SEPTIN9: variants seen among roughly 807,000 people sequenced by gnomAD.
The protein encoded by SEPTIN9 is septin 9.
SEPTIN9 carries 13 observed loss-of-function variants against 56.6 expected under a neutral mutation model. The ratio of observed to expected loss-of-function variants is 0.23; its 90% CI spans 0.15 to 0.37. SEPTIN9 has a LOEUF of 0.37. SEPTIN9 is among the 10% of genes least tolerant of loss of function. The pLI is 1.00. For synonymous variants in SEPTIN9, 332 were observed against 334.1 expected (o/e 0.99, Z 0.07); for missense variants, 650 against 823.1 (o/e 0.79, Z 2.57).
chr17:77,283,656 G>A (rs1046129449), intron 1 of SEPTIN9, among the ~76,000 whole-genome samples: 8 of 152,206 alleles, frequency 5.3e-5, no homozygotes, highest in Admixed American at 3.3e-4. Flanking sequence ...TTCCAGACCT[G>A]TATGTGGGCT....
rs1355466857 is a variant in SEPTIN9 at position 77,318,812 on chromosome 17, A to G, written c.76+11615A>G. ...TCTGTCATCTAGCCGAGGGCTGTGC[A>G]TGGGCCTCACCTGGTCACAGGTAAC... On this transcript the variant is annotated intron_variant, in intron 2 of 11. Coordinates refer to ENST00000427177, the MANE Select transcript of SEPTIN9 (RefSeq NM_001113491.2). The surrounding 1 kb of genome is among the most constrained non-coding windows in gnomAD (Gnocchi z 4.9). 2.0e-5 allele frequency among the ~76,000 whole-genome samples: 3 copies of G among 152,124 alleles called. No individual in the cohort carries two copies. The highest frequency in any genetic ancestry group is 1.9e-4 in the East Asian group (1 of 5,192).
chr17:77,463,026 C>T (rs2038549256), intron 3 of SEPTIN9, among the ~76,000 whole-genome samples: 1 of 152,144 alleles, frequency 6.6e-6, no homozygotes, highest in Non-Finnish European at 1.5e-5. Context: ...ATGAGCTGAA[C>T]AGTGAGCCCG....
intron 3 of SEPTIN9, among the ~76,000 whole-genome samples, chr17:77,458,533 G>A (rs1169875114): frequency 6.6e-6 from 1 of 152,194 alleles, no homozygotes; most frequent in African/African-American, 2.4e-5. Context: ...TCCTCTCCTA[G>A]AGCTATGGTC....
In SEPTIN9 at chr17:77,402,773, A is replaced by G; in HGVS notation, c.721+70A>G. 6.8e-7 allele frequency: 1 copy of G among 1,460,254 alleles called. No individual in the cohort carries two copies. The highest frequency in any genetic ancestry group is 9.2e-7 in the Non-Finnish European group (1 of 1,091,928). The allele number at this position is 1,460,254 out of a possible 1,614,324, so 90.5% of individuals were successfully genotyped here. On this transcript the variant is annotated intron_variant, in intron 3 of 11. Transcript: ENST00000427177. This position sits in a 1 kb window ranked among gnomAD's most constrained non-coding sequence, Gnocchi z 6.6. ...GCCTGGTTGCTGGCTTTGCCACAGAATCTTGGAGGAAGAAGCTGGATATGG... is the reference window on the plus strand; with the variant it reads ...GCCTGGTTGCTGGCTTTGCCACAGAGTCTTGGAGGAAGAAGCTGGATATGG...
intron 3 of SEPTIN9, among the ~76,000 whole-genome samples, chr17:77,481,203 C>T (rs144849333): frequency 0.012 from 1,890 of 152,366 alleles, 41 homozygotes; most frequent in African/African-American, 0.04. Context: ...GGTGTCTTAA[C>T]AGCAGCCAGG....
chr17:77,333,667 G>T (rs2033443224), intron 2 of SEPTIN9, among the ~76,000 whole-genome samples: 1 of 152,116 alleles, frequency 6.6e-6, no homozygotes, highest in South Asian at 2.1e-4. Flanking sequence ...CTGCCAAATT[G>T]CAAAGATATT....
Position 77,433,572 on chromosome 17 carries a change from C to T in SEPTIN9, c.721+30869C>T, listed in dbSNP as rs2037228745. Reference sequence around the variant, plus strand: ...CCCAGCATGGCCATGCCGGAAATAGCAGCATCGTCCCCCTCACTGTCCTGG... The same window carrying T: ...CCCAGCATGGCCATGCCGGAAATAGTAGCATCGTCCCCCTCACTGTCCTGG... On this transcript the variant is annotated intron_variant, in intron 3 of 11. Coordinates refer to ENST00000427177, the MANE Select transcript of SEPTIN9 (RefSeq NM_001113491.2). This position sits in a 1 kb window ranked among gnomAD's most constrained non-coding sequence, Gnocchi z 6.4. 6.6e-6 allele frequency among the ~76,000 whole-genome samples: 1 copy of T among 152,164 alleles called. No homozygotes were observed. Among genetic ancestry groups the T allele is most frequent in the Admixed American group, 6.5e-5 (1 of 15,292 alleles).
intron 3 of SEPTIN9, among the ~76,000 whole-genome samples, chr17:77,462,311 G>A (rs1255526545): frequency 1.3e-5 from 2 of 151,206 alleles, no homozygotes; most frequent in Admixed American, 6.6e-5. Context: ...GCCCGATCAC[G>A]GCTCACTGCA....
In SEPTIN9 at chr17:77,487,661, G is replaced by T; in HGVS notation, c.1042+109G>T. On this transcript the variant is annotated intron_variant, in intron 5 of 11. Transcript: ENST00000427177. This position sits in a 1 kb window ranked among gnomAD's most constrained non-coding sequence, Gnocchi z 4.3. The stretch of plus-strand genomic sequence containing the variant: ...CAGTCAGTGGCCAGGGGCGGGCTGG[G>T]GGTGCAGGACTCCTCTGCCTTCCTG... 1.2e-6 allele frequency: 1 copy of T among 853,556 alleles called. No individual in the cohort carries two copies. Among genetic ancestry groups the T allele is most frequent in the Non-Finnish European group, 1.6e-6 (1 of 611,864 alleles). 52.9% of individuals were successfully genotyped at this position (853,556 alleles called of 1,614,324 possible).
intron 2 of SEPTIN9, among the ~76,000 whole-genome samples, chr17:77,395,507 C>T (rs540461127): frequency 7.8e-5 from 11 of 140,386 alleles, no homozygotes; most frequent in Non-Finnish European, 1.2e-4. Context: ...CCAGTCTGGG[C>T]GACAGAGCGA....
At chr17:77,470,531 C>T (rs2038951014) in intron 3 of SEPTIN9, among the ~76,000 whole-genome samples, 1 of 152,150 alleles carries the variant, frequency 6.6e-6, no homozygotes, top group African/African-American at 2.4e-5. Flanking sequence ...TCCATCTATC[C>T]ACTCATCCAC....
At position 77,343,780 on chromosome 17, in the gene SEPTIN9, G is replaced by A. The variant is rs78367320; in HGVS notation, c.76+36583G>A. On this transcript the variant is annotated intron_variant, in intron 2 of 11. Transcript: ENST00000427177. ...ACTGCTGAGTATTGGAGAATTGCTTGGGGGTCGGCGGGAGGAAACCACACA... is the reference window on the plus strand; with the variant it reads ...ACTGCTGAGTATTGGAGAATTGCTTAGGGGTCGGCGGGAGGAAACCACACA... 1.6e-3 allele frequency among the ~76,000 whole-genome samples: 238 copies of A among 152,322 alleles called. 8 individuals are homozygous for A. In the East Asian group the frequency reaches 0.041, roughly 26 times the overall value.
chr17:77,420,126 A>G (rs958485702), intron 3 of SEPTIN9, among the ~76,000 whole-genome samples: 1 of 152,178 alleles, frequency 6.6e-6, no homozygotes, highest in Non-Finnish European at 1.5e-5. Context: ...AGCCCTGGCC[A>G]GTCCCGTGTC....
At chr17:77,364,387 CCTT>C (rs1467581145) in intron 2 of SEPTIN9, among the ~76,000 whole-genome samples, 10 of 152,228 alleles carry the variant, frequency 6.6e-5, no homozygotes, top group Admixed American at 1.3e-4. Context: ...TGACATAAAA[CCTT>C]CTGTCGATTC....
At chr17:77,347,511 G>A (rs138051154) in intron 2 of SEPTIN9, among the ~76,000 whole-genome samples, 3 of 151,994 alleles carry the variant, frequency 2.0e-5, no homozygotes, top group African/African-American at 7.2e-5. Flanking sequence ...TTATAATGGT[G>A]TCTCGATGAA....
chr17:77,422,740 CT>C (rs1004490044), intron 3 of SEPTIN9, among the ~76,000 whole-genome samples: 1 of 152,206 alleles, frequency 6.6e-6, no homozygotes, highest in Non-Finnish European at 1.5e-5. Flanking sequence ...GTTCTGCCCC[CT>C]GGCTCTTGCT....
chr17:77,342,536 C>A, intron 2 of SEPTIN9, among the ~76,000 whole-genome samples: 1 of 152,138 alleles, frequency 6.6e-6, no homozygotes, highest in East Asian at 1.9e-4. Flanking sequence ...CTTGCTTCAG[C>A]GCATTAGTCA....
chr17:77,351,993 C>G (rs1203737815), intron 2 of SEPTIN9, among the ~76,000 whole-genome samples: 2 of 152,200 alleles, frequency 1.3e-5, no homozygotes, highest in Non-Finnish European at 2.9e-5. Context: ...GCAGATGAGA[C>G]AAAATAAGGG....
chr17:77,413,924 C>G (rs1381565410), intron 3 of SEPTIN9, among the ~76,000 whole-genome samples: 2 of 149,532 alleles, frequency 1.3e-5, no homozygotes, highest in Non-Finnish European at 3.0e-5. Context: ...CATGCGTGTG[C>G]TACACTCAGT....
Sources: allele counts gnomAD v4.1 joint callset (sites outside exome capture counted in the v4.1 genomes callset), GRCh38; gene constraint gnomAD v4.1.1; non-coding constraint Gnocchi (gnomAD v3.1); transcripts MANE v1.5; gene names NCBI Gene and HGNC (gene_info 2026-07-23, HGNC 2026-07-21).